Variants in MTUS2 observed in about 807,000 individuals in gnomAD.
The protein encoded by MTUS2 is microtubule-associated tumor suppressor candidate 2.
A neutral mutation model predicts 114.1 loss-of-function variants in MTUS2; 40 were observed. The ratio of observed to expected loss-of-function variants is 0.35; its 90% CI spans 0.27 to 0.46. The LOEUF (loss-of-function observed/expected upper bound fraction) is 0.46. Ranked by LOEUF, MTUS2 falls within the 20% of genes least tolerant of loss-of-function variation. The pLI is 1.00. For missense variants in MTUS2, 1,679 were observed against 1,705.4 expected (o/e 0.98, Z 0.27); for synonymous variants, 688 against 672.0 (o/e 1.02, Z -0.37).
chr13:29,266,273 AAAAATG>A (rs1006323657), intron 5 of MTUS2, among the ~76,000 whole-genome samples: 2 of 152,212 alleles, frequency 1.3e-5, no homozygotes, highest in African/African-American at 4.8e-5. Flanking sequence ...TTTAAGGATG[AAAAATG>A]AAGCACAGAG....
At chr13:29,069,778 A>C (rs1888828710) in intron 4 of MTUS2, among the ~76,000 whole-genome samples, 1 of 152,212 alleles carries the variant, frequency 6.6e-6, no homozygotes, top group Non-Finnish European at 1.5e-5. Context: ...CAATGACCTG[A>C]TTCGTCTGTA....
At position 29,235,663 on chromosome 13, in the gene MTUS2, A is replaced by AT. The variant is rs568327079; in HGVS notation, c.2645-46035dup. 3.5e-4 allele frequency among the ~76,000 whole-genome samples: 53 copies of AT among 152,174 alleles called. 1 individual carries two copies. In the South Asian group the frequency reaches 0.011, roughly 30 times the overall value. Reference sequence around the variant, plus strand: ...TTTTTCAATCAAGAATAAATGTTGAATTTTTTCAAAGGTTTATTTAAACCA... The same window carrying AT: ...TTTTTCAATCAAGAATAAATGTTGAATTTTTTTCAAAGGTTTATTTAAACCA... On this transcript the variant is annotated intron_variant, in intron 5 of 15. Coordinates refer to ENST00000612955, the MANE Select transcript of MTUS2 (RefSeq NM_001033602.4).
intron 5 of MTUS2, among the ~76,000 whole-genome samples, chr13:29,172,044 A>G (rs1893584474): frequency 6.6e-6 from 1 of 152,160 alleles, no homozygotes; most frequent in Non-Finnish European, 1.5e-5. Flanking sequence ...TATTAAGGGG[A>G]AAGGAGAGAG....
chr13:29,199,468 C>G (rs531280173), intron 5 of MTUS2, among the ~76,000 whole-genome samples: 2 of 152,012 alleles, frequency 1.3e-5, no homozygotes, highest in African/African-American at 4.8e-5. Flanking sequence ...TTGTCATCGG[C>G]TCTGTTTATG....
intron 4 of MTUS2, among the ~76,000 whole-genome samples, chr13:29,064,174 G>A (rs1249040791): frequency 6.6e-6 from 1 of 152,138 alleles, no homozygotes; most frequent in East Asian, 1.9e-4. Flanking sequence ...CATGGGAACT[G>A]GGCCTGGAAT....
intron 2 of MTUS2, among the ~76,000 whole-genome samples, chr13:28,983,438 G>A (rs1440166017): frequency 6.6e-6 from 1 of 152,148 alleles, no homozygotes; most frequent in Admixed American, 6.5e-5. Flanking sequence ...ACTGGATTCT[G>A]GAGCCTTAAT....
intron 2 of MTUS2, among the ~76,000 whole-genome samples, chr13:28,886,385 T>G (rs1013271030): frequency 6.6e-6 from 1 of 152,058 alleles, no homozygotes; most frequent in Admixed American, 6.6e-5. Flanking sequence ...GACCTGGGTC[T>G]AGGGTTAGTG....
chr13:29,095,197 A>G (rs1007629645), intron 4 of MTUS2, among the ~76,000 whole-genome samples: 4 of 151,912 alleles, frequency 2.6e-5, no homozygotes, highest in South Asian at 2.1e-4. Context: ...CAGATCTTCT[A>G]TTTTCTTGTT....
At chr13:29,000,785 A>G (rs4354784) in intron 2 of MTUS2, among the ~76,000 whole-genome samples, 2,692 of 152,222 alleles carry the variant, frequency 0.018, 82 homozygotes, top group African/African-American at 0.061. Context: ...TCTCCCTCCT[A>G]AATAGCCACA....
At chr13:29,171,664 T>A (rs552574724) in intron 5 of MTUS2, among the ~76,000 whole-genome samples, 97 of 152,304 alleles carry the variant, frequency 6.4e-4, no homozygotes, top group African/African-American at 2.2e-3. Flanking sequence ...AAGATAGAAT[T>A]TATTTTTCTC....
chr13:28,969,410 G>A (rs757477231), intron 2 of MTUS2, among the ~76,000 whole-genome samples: 10 of 152,072 alleles, frequency 6.6e-5, no homozygotes, highest in Non-Finnish European at 1.2e-4. Flanking sequence ...TGTTGGAAAC[G>A]TTCAGTATCT....
chr13:28,984,000 C>T (rs1884470230), intron 2 of MTUS2, among the ~76,000 whole-genome samples: 5 of 152,174 alleles, frequency 3.3e-5, no homozygotes, highest in Admixed American at 3.3e-4. Context: ...GGCTTCTCAC[C>T]CACTTTGTTT....
At chr13:29,114,338 G>GTTTATTTTAC (rs1297056931) in intron 5 of MTUS2, among the ~76,000 whole-genome samples, 1 of 152,004 alleles carries the variant, frequency 6.6e-6, no homozygotes, top group Non-Finnish European at 1.5e-5. Context: ...ATCCCCACTT[G>GTTTATTTTAC]TTTATTTTAC....
At chr13:29,351,245 G>A (rs1416857169) in intron 7 of MTUS2, among the ~76,000 whole-genome samples, 3 of 152,036 alleles carry the variant, frequency 2.0e-5, no homozygotes, top group Non-Finnish European at 2.9e-5. Flanking sequence ...AACTGAAATG[G>A]TTAGTGCCTC....
At chr13:29,137,252 C>A (rs1216004593) in intron 5 of MTUS2, among the ~76,000 whole-genome samples, 1 of 152,044 alleles carries the variant, frequency 6.6e-6, no homozygotes, top group Non-Finnish European at 1.5e-5. Context: ...AGTATGTAAC[C>A]ATTTATGTCT....
intron 15 of MTUS2, among the ~76,000 whole-genome samples, chr13:29,502,070 C>T (rs1882951221): frequency 6.6e-6 from 1 of 152,212 alleles, no homozygotes; most frequent in East Asian, 1.9e-4. Context: ...AGCCATTGCC[C>T]CCATAACTAA....
chr13:29,360,496 A>C (rs927460269), intron 8 of MTUS2, among the ~76,000 whole-genome samples: 1 of 152,158 alleles, frequency 6.6e-6, no homozygotes, highest in Non-Finnish European at 1.5e-5. Flanking sequence ...GCCATTTATC[A>C]ATCTGTTGTG....
At chr13:29,169,320 G>C (rs145142939) in intron 5 of MTUS2, among the ~76,000 whole-genome samples, 1 of 152,260 alleles carries the variant, frequency 6.6e-6, no homozygotes, top group African/African-American at 2.4e-5. Context: ...TTGGTAGTAT[G>C]ATTTATGCGT....
intron 4 of MTUS2, among the ~76,000 whole-genome samples, chr13:29,063,908 TG>T (rs1888534707): frequency 1.3e-5 from 2 of 152,312 alleles, no homozygotes; most frequent in African/African-American, 4.8e-5. Context: ...TTTAAGCGGG[TG>T]CAGTGGATGT....
Sources: allele counts gnomAD v4.1 joint callset (sites outside exome capture counted in the v4.1 genomes callset), GRCh38; gene constraint gnomAD v4.1.1; transcripts MANE v1.5; gene names NCBI Gene and HGNC (gene_info 2026-07-23, HGNC 2026-07-21).